Variants in STOX2 observed in about 807,000 individuals in gnomAD.
The protein encoded by STOX2 is storkhead-box protein 2.
STOX2 carries 28 observed loss-of-function variants against 60.9 expected under a neutral mutation model. The observed-to-expected ratio is 0.46, with a 90% CI of 0.34 to 0.63. The LOEUF (loss-of-function observed/expected upper bound fraction) is 0.63, where lower values mean the gene tolerates loss of function less well. Among genes scored for constraint, STOX2 ranks in the 30% least tolerant of loss-of-function variants. The pLI, the probability that STOX2 is intolerant of heterozygous loss-of-function variation, is 0.01. For missense variants in STOX2, 1,024 were observed against 1,187.7 expected (o/e 0.86, Z 2.03); for synonymous variants, 472 against 463.9 (o/e 1.02, Z -0.22).
chr4:183,994,585 A>G (rs547436113), intron 1 of STOX2, among the ~76,000 whole-genome samples: 1 of 152,350 alleles, frequency 6.6e-6, no homozygotes, highest in South Asian at 2.1e-4. Context: ...TGCTGCATTC[A>G]TATAGGATCA....
rs28372190 is a variant in STOX2 at position 183,857,300 on chromosome 4, A to G, written c.364+59245A>G. On this transcript the variant is annotated intron_variant, in intron 1 of 2. Transcript: ENST00000513034. ...GTCATCTTGCAGGACTGGTCATTCC[A>G]CAGGACTGGTTATCCTGCAGTACTG... Among the ~76,000 whole-genome samples, 470 of 115,474 alleles carry G rather than the reference A, an allele frequency of 4.1e-3. 2 individuals are homozygous for G. The highest frequency in any genetic ancestry group is 0.012 in the African/African-American group (426 of 35,594). The allele number at this position is 115,474 out of a possible 152,430, so 75.8% of individuals were successfully genotyped here.
At chr4:183,876,201 C>G (rs1214040880) in intron 1 of STOX2, among the ~76,000 whole-genome samples, 1 of 152,204 alleles carries the variant, frequency 6.6e-6, no homozygotes, top group African/African-American at 2.4e-5. Flanking sequence ...CTGACAGAGA[C>G]TGTCTACAAT....
rs771153145 is a variant in STOX2, at chr4:184,009,834, G to C, written c.996G>C (p.Ala332=). The C allele has an allele frequency of 6.2e-7, 1 of 1,611,330 alleles. No individual in the cohort carries two copies. The highest frequency in any genetic ancestry group is 8.5e-7 in the Non-Finnish European group (1 of 1,178,826). The change falls in exon 3 of 4, where the codon GCG becomes GCC. Residue 332 remains alanine, a synonymous_variant. Coordinates refer to ENST00000308497, the MANE Select transcript of STOX2 (RefSeq NM_020225.3). The surrounding 1 kb of genome is among the most constrained non-coding windows in gnomAD (Gnocchi z 4.0). ...LTVENVMRHT[A]LMKKLEEEKA... is the part of the protein sequence containing the mutation. ...TGGAAAATGTCATGCGGCACACCGC[G>C]CTCATGAAGAAACTGGAAGAAGAAA...
At chr4:183,848,199 A>T (rs757755606) in intron 1 of STOX2, among the ~76,000 whole-genome samples, 3 of 152,226 alleles carry the variant, frequency 2.0e-5, no homozygotes, top group Non-Finnish European at 4.4e-5. Context: ...AACAGGTAAG[A>T]GCCAGAGTAG....
chr4:183,951,021 C>T (rs937948364), intron 1 of STOX2, among the ~76,000 whole-genome samples: 44 of 151,870 alleles, frequency 2.9e-4, no homozygotes, highest in Admixed American at 2.4e-3. Context: ...CGAGACCATC[C>T]TGGCTAACAC....
intron 1 of STOX2, among the ~76,000 whole-genome samples, chr4:183,845,494 A>T (rs1739964815): frequency 6.6e-6 from 1 of 151,632 alleles, no homozygotes; most frequent in African/African-American, 2.4e-5. Flanking sequence ...TAAAGCTTGA[A>T]TTTTTTTTTG....
chr4:183,908,926 G>A (rs569992046), intron 1 of STOX2, among the ~76,000 whole-genome samples: 42 of 152,312 alleles, frequency 2.8e-4, no homozygotes, highest in African/African-American at 8.7e-4. Flanking sequence ...CCCAAAGAGC[G>A]AAGTGCCTTG....
rs1056885050 is a variant in STOX2, at chr4:184,010,276, A to C, written c.1438A>C (p.Arg480=). Residue 480 remains arginine (R), a synonymous_variant, in exon 3 of 4, where the codon AGG becomes CGG. Coordinates refer to ENST00000308497, the MANE Select transcript of STOX2 (RefSeq NM_020225.3). The surrounding 1 kb of genome is among the most constrained non-coding windows in gnomAD (Gnocchi z 4.5). ...SHSHTQDRRS[R]NERSNKAKER... ...CAGCCATACACAGGACCGGAGGTCC[A>C]GGAATGAGAGATCCAACAAAGCCAA... 5.1e-6 allele frequency: 8 copies of C among 1,583,854 alleles called. No individual in the cohort carries two copies. Among genetic ancestry groups the C allele is most frequent in the Non-Finnish European group, 6.9e-6 (8 of 1,164,952 alleles).
intron 1 of STOX2, among the ~76,000 whole-genome samples, chr4:183,868,366 C>T (rs527688319): frequency 6.6e-6 from 1 of 152,114 alleles, no homozygotes; most frequent in African/African-American, 2.4e-5. Flanking sequence ...GTTGAGCCTG[C>T]AGTGAGCTAT....
chr4:183,818,159 G>C (rs1043427612), intron 1 of STOX2, among the ~76,000 whole-genome samples: 5 of 151,432 alleles, frequency 3.3e-5, no homozygotes, highest in African/African-American at 7.3e-5. Context: ...GACTTGGCAG[G>C]GTCATAGGAC....
intron 1 of STOX2, among the ~76,000 whole-genome samples, chr4:183,883,137 C>T (rs56027891): frequency 0.14 from 21,541 of 151,912 alleles, 1,893 homozygotes; most frequent in African/African-American, 0.24. Flanking sequence ...CTCCCTCCTC[C>T]CCCCAATTAT....
At chr4:183,963,517 C>T (rs1743472013) in intron 1 of STOX2, among the ~76,000 whole-genome samples, 1 of 151,024 alleles carries the variant, frequency 6.6e-6, no homozygotes, top group South Asian at 2.1e-4. Context: ...AACTCTGCCT[C>T]CTGGGTTCAA....
At chr4:183,832,572 T>C (rs7685505) in intron 1 of STOX2, among the ~76,000 whole-genome samples, 12,923 of 141,888 alleles carry the variant, frequency 0.091, 1,840 homozygotes, top group African/African-American at 0.31. Context: ...CTCACTGCAA[T>C]CTCTGCCTCC....
chr4:183,798,165 G>C (rs1279778800), intron 1 of STOX2: 31 of 1,073,618 alleles, frequency 2.9e-5, no homozygotes, highest in African/African-American at 3.3e-5. Flanking sequence ...CACCGCCGAG[G>C]CTCCCCTGGG....
Position 184,001,337 on chromosome 4 carries a change from C to G in STOX2, c.179C>G (p.Pro60Arg). 6.2e-7 allele frequency: 1 copy of G among 1,613,670 alleles called. No individual in the cohort carries two copies. The highest frequency in any genetic ancestry group is 1.1e-5 in the South Asian group (1 of 91,034). ...TGTCTTTCTGCAGGTGATGTATCAC[C>G]CATCAGTATGTCTCCCATCAGTCAG... ...RGYMTSGDVS[P>R]ISMSPISQSQ... Residue 60 changes from proline (P) to arginine (R), a missense_variant, in exon 2 of 4, where the codon CCC becomes CGC. Pro to Arg is a moderately radical substitution (Grantham distance 103). Transcript: ENST00000308497. The surrounding 1 kb of genome is among the most constrained non-coding windows in gnomAD (Gnocchi z 4.2).
chr4:183,857,088 G>A (rs1402763855), intron 1 of STOX2, among the ~76,000 whole-genome samples: 1 of 152,178 alleles, frequency 6.6e-6, no homozygotes, highest in Non-Finnish European at 1.5e-5. Context: ...GGTAGGATTG[G>A]TTGCCCTGTA....
At chr4:183,977,736 C>G (rs758771516) in intron 1 of STOX2, among the ~76,000 whole-genome samples, 1 of 152,114 alleles carries the variant, frequency 6.6e-6, no homozygotes, top group Non-Finnish European at 1.5e-5. Context: ...AAAGGTAGTT[C>G]TATATTTAGT....
At chr4:183,838,495 A>T (rs1019542287) in intron 1 of STOX2, among the ~76,000 whole-genome samples, 2 of 152,346 alleles carry the variant, frequency 1.3e-5, no homozygotes, top group East Asian at 3.9e-4. Flanking sequence ...CGAGATGAAC[A>T]TATCTATATA....
At chr4:183,976,596 C>T (rs1732458853) in intron 1 of STOX2, among the ~76,000 whole-genome samples, 1 of 152,092 alleles carries the variant, frequency 6.6e-6, no homozygotes, top group Admixed American at 6.6e-5. Context: ...TAAAAATTAC[C>T]TGTGGGGTAC....
Sources: gnomAD v4.1 joint callset for allele counts (sites outside exome capture counted in the v4.1 genomes callset) on GRCh38, gnomAD v4.1.1 for gene constraint, Gnocchi (gnomAD v3.1) non-coding constraint, MANE v1.5 for transcripts, NCBI Gene and HGNC (gene_info 2026-07-23, HGNC 2026-07-21) for gene names.